The following KIF5B variants were observed in gnomAD, a reference collection of about 807,000 sequenced individuals.
KIF5B encodes the protein kinesin family member 5B, also known as kinesin-1 heavy chain.
A neutral mutation model predicts 132.8 loss-of-function variants in KIF5B; 49 were observed. The ratio of observed to expected loss-of-function variants is 0.37; its 90% CI spans 0.29 to 0.47. The LOEUF is 0.47. KIF5B is among the 20% of genes least tolerant of loss of function. The pLI, the probability that KIF5B is intolerant of heterozygous loss-of-function variation, is 1.00. For synonymous variants in KIF5B, 355 were observed against 369.4 expected (o/e 0.96, Z 0.45); for missense variants, 780 against 1,144.0 (o/e 0.68, Z 4.59).
In KIF5B at chr10:32,033,933, G is replaced by A. The variant is rs954241457; in HGVS notation, c.1217C>T (p.Ala406Val). ...ITLTNDKPAT[A>V]IGVIGNFTDA... ...AGTAAAATTTCCTATAACTCCAATT[G>A]CGGTTGCTGGTTTATCATTGGTAAG... Residue 406 changes from alanine to valine, a missense_variant, in exon 12 of 26, where the codon GCA (alanine) becomes GTA (valine). Physicochemically the swap from Ala to Val is moderately conservative, Grantham distance 64. Coordinates refer to ENST00000302418, the MANE Select transcript of KIF5B (RefSeq NM_004521.3). 6.2e-7 allele frequency: 1 copy of A among 1,612,292 alleles called. No homozygotes were observed. Among genetic ancestry groups the A allele is most frequent in the Non-Finnish European group, 8.5e-7 (1 of 1,178,890 alleles).
intron 3 of KIF5B, 152 bp downstream of exon 3, chr10:32,040,232 G>T (rs1841514730): frequency 3.1e-6 from 2 of 643,250 alleles, no homozygotes. Context: ...GAACTGATTA[G>T]ATTCCAACAA....
intron 15 of KIF5B, among the ~76,000 whole-genome samples, chr10:32,025,234 G>A (rs1841319796): frequency 6.6e-6 from 1 of 152,244 alleles, no homozygotes; most frequent in Non-Finnish European, 1.5e-5. Flanking sequence ...TGATAGGAAT[G>A]CAAAATGTTT....
At chr10:32,019,039 G>A (rs1841222012) in intron 20 of KIF5B, among the ~76,000 whole-genome samples, 1 of 151,976 alleles carries the variant, frequency 6.6e-6, no homozygotes, top group Non-Finnish European at 1.5e-5. Flanking sequence ...ACAGTCTATT[G>A]TTATACATTC....
At chr10:32,014,048 C>G (rs189829781) in intron 25 of KIF5B, among the ~76,000 whole-genome samples, 1 of 152,264 alleles carries the variant, frequency 6.6e-6, no homozygotes, top group Admixed American at 6.5e-5. Context: ...TCAGAAACAG[C>G]TGATCATTTC....
rs779600513 is a variant in KIF5B at position 32,040,460 on chromosome 10, A to G, written c.215-3T>C. 6.5e-6 allele frequency: 10 copies of G among 1,540,604 alleles called. No homozygotes were observed. The highest frequency in any genetic ancestry group is 5.0e-5 in the Admixed American group (3 of 59,724). On this transcript the variant is annotated splice_polypyrimidine_tract_variant and splice_region_variant and intron_variant, in intron 2 of 25. Transcript: ENST00000302418. ...TCCATTATATCCTTCAAGTACATCTATGAGAAAAGATTTTATAGTTCAGGG... is the reference window on the plus strand; with the variant it reads ...TCCATTATATCCTTCAAGTACATCTGTGAGAAAAGATTTTATAGTTCAGGG...
intron 8 of KIF5B, among the ~76,000 whole-genome samples, chr10:32,037,041 T>C (rs1026574148): frequency 2.0e-4 from 30 of 152,200 alleles, no homozygotes; most frequent in African/African-American, 7.0e-4. Flanking sequence ...AAACCACTTA[T>C]GGGTTGAACT....
Position 32,037,897 on chromosome 10 carries a change from G to C in KIF5B, c.498+266C>G, listed in dbSNP as rs531552227. Among the ~76,000 whole-genome samples, 80 of 151,844 alleles carry C rather than the reference G, an allele frequency of 5.3e-4. 1 individual carries two copies. Among genetic ancestry groups the C allele is most frequent in the South Asian group, 2.3e-3 (11 of 4,808 alleles). ...GAGGCAGAGGCGGGCGGATCACGAG[G>C]TCAGGAGTTCAAGACCAGCCTGGCC... On this transcript the variant is annotated intron_variant, in intron 6 of 25. Transcript: ENST00000302418.
In KIF5B at chr10:32,011,040, T is replaced by C. The variant is rs1466973254; in HGVS notation, c.*497A>G. 6.6e-6 allele frequency: 1 copy of C among 152,146 alleles called. No homozygotes were observed. The highest frequency in any genetic ancestry group is 1.5e-5 in the Non-Finnish European group (1 of 68,008). 9.4% of individuals were successfully genotyped at this position (152,146 alleles called of 1,614,324 possible). ...ATATTTTATGGGCATGTAGTGTTGT[T>C]AAGTGGTAAAATTTAAAGACATTTA... On this transcript the variant is annotated 3_prime_UTR_variant, in exon 26 of 26. Transcript: ENST00000302418.
At chr10:32,046,321 A>G (rs1478374408) in intron 2 of KIF5B, among the ~76,000 whole-genome samples, 1 of 152,226 alleles carries the variant, frequency 6.6e-6, no homozygotes, top group Admixed American at 6.5e-5. Flanking sequence ...ATTGTGTTCT[A>G]TGATCGATCC....
chr10:32,018,884 C>T (rs1028496797), intron 20 of KIF5B, among the ~76,000 whole-genome samples: 29 of 151,968 alleles, frequency 1.9e-4, no homozygotes, highest in Non-Finnish European at 4.3e-4. Context: ...TTTGTAGAGA[C>T]GGGGTCTCAC....
chr10:32,039,653 C>T (rs1592450388), intron 3 of KIF5B, among the ~76,000 whole-genome samples: 1 of 152,126 alleles, frequency 6.6e-6, no homozygotes, highest in South Asian at 2.1e-4. Context: ...CATTTAATCA[C>T]TAGATTTAGA....
Position 32,018,529 on chromosome 10 carries a change from T to C in KIF5B, c.2340A>G (p.Gln780=). 3 of 1,613,530 alleles carry C rather than the reference T, an allele frequency of 1.9e-6. No individual in the cohort carries two copies. The highest frequency in any genetic ancestry group is 2.5e-6 in the Non-Finnish European group (3 of 1,179,638). Reference sequence around the variant, plus strand: ...CTGTCTCTTCCAAACCCTTCAAGTCTTGTCTTGCTTGTTCTCGTCTATCTT... The same window carrying C: ...CTGTCTCTTCCAAACCCTTCAAGTCCTGTCTTGCTTGTTCTCGTCTATCTT... The part of the protein sequence containing the change: ...VMQDRREQAR[Q]DLKGLEETVA... Residue 780 remains glutamine, a synonymous_variant, in exon 21 of 26, where the codon CAA becomes CAG. Coordinates refer to ENST00000302418, the MANE Select transcript of KIF5B (RefSeq NM_004521.3).
chr10:32,033,926 T>C lies in KIF5B; in HGVS notation c.1224A>G (p.Gly408=). Reference sequence around the variant, plus strand: ...CAGCATCAGTAAAATTTCCTATAACTCCAATTGCGGTTGCTGGTTTATCAT... The same window carrying C: ...CAGCATCAGTAAAATTTCCTATAACCCCAATTGCGGTTGCTGGTTTATCAT... ...LTNDKPATAI[G]VIGNFTDAER... The change falls in exon 12 of 26, where the codon GGA becomes GGG. Residue 408 remains glycine, a synonymous_variant. Transcript: ENST00000302418. The C allele has an allele frequency of 6.2e-7, 1 of 1,613,090 alleles. No individual in the cohort carries two copies. Among genetic ancestry groups the C allele is most frequent in the Non-Finnish European group, 8.5e-7 (1 of 1,179,310 alleles).
At chr10:32,051,438 T>C (rs745697966) in intron 1 of KIF5B, among the ~76,000 whole-genome samples, 4 of 152,198 alleles carry the variant, frequency 2.6e-5, no homozygotes, top group Non-Finnish European at 5.9e-5. Context: ...AACAGCTTCA[T>C]AATAGTAAAC....
At chr10:32,040,987 CAA>C (rs140467980) in intron 2 of KIF5B, among the ~76,000 whole-genome samples, 46 of 101,282 alleles carry the variant, frequency 4.5e-4, no homozygotes, top group Non-Finnish European at 5.0e-4. Context: ...GACACCATCT[CAA>C]AAAAAAAAAA....
At chr10:32,039,598 G>C (rs1251363) in intron 3 of KIF5B, among the ~76,000 whole-genome samples, 167 bp from the exon 4 acceptor site, 71,477 of 151,912 alleles carry the variant, frequency 0.47, 17,412 homozygotes, top group East Asian at 0.61. Flanking sequence ...CACATACACA[G>C]TACTGTACAT....
intron 19 of KIF5B, 100 bp from the exon 20 acceptor site, chr10:32,020,059 G>T (rs1158080202): frequency 3.8e-6 from 3 of 782,094 alleles, no homozygotes; most frequent in Non-Finnish European, 6.3e-6. Context: ...ATCTCATCAA[G>T]GACTTTTCTG....
At chr10:32,051,627 G>A (rs1475203326) in intron 1 of KIF5B, among the ~76,000 whole-genome samples, 2 of 152,104 alleles carry the variant, frequency 1.3e-5, no homozygotes, top group African/African-American at 2.4e-5. Context: ...TATCTTTCTA[G>A]AAGTTATTGT....
At chr10:32,015,037 G>A (rs533138442) in intron 25 of KIF5B, among the ~76,000 whole-genome samples, 4 of 152,040 alleles carry the variant, frequency 2.6e-5, no homozygotes, top group South Asian at 4.1e-4. Flanking sequence ...CAGGGGTATC[G>A]CTTGAACCCA....
Sources: allele counts gnomAD v4.1 joint callset (sites outside exome capture counted in the v4.1 genomes callset), GRCh38; gene constraint gnomAD v4.1.1; transcripts MANE v1.5; gene names NCBI Gene and HGNC (gene_info 2026-07-23, HGNC 2026-07-21).